ZBTB38: variants seen among roughly 807,000 people sequenced by gnomAD.
ZBTB38 encodes the protein zinc finger and BTB domain containing 38, also known as zinc finger and BTB domain-containing protein 38.
A neutral mutation model predicts 76.8 loss-of-function variants in ZBTB38; 20 were observed. That is an observed-to-expected ratio of 0.26 (90% CI 0.18 to 0.38). ZBTB38 has a LOEUF of 0.38. Ranked by LOEUF, ZBTB38 falls within the 10% of genes least tolerant of loss-of-function variation. The pLI is 1.00. For missense variants in ZBTB38, 1,082 were observed against 1,482.3 expected (o/e 0.73, Z 4.43); for synonymous variants, 504 against 544.2 (o/e 0.93, Z 1.03).
chr3:141,420,941 TA>T (rs570846117), intron 5 of ZBTB38, among the ~76,000 whole-genome samples: 13 of 139,752 alleles, frequency 9.3e-5, no homozygotes, highest in East Asian at 4.1e-4. Flanking sequence ...GAGTTTCAGT[TA>T]AAAAAAAAAT....
At chr3:141,341,019 AAGAT>A (rs1177557043) in intron 1 of ZBTB38, among the ~76,000 whole-genome samples, 5 of 151,994 alleles carry the variant, frequency 3.3e-5, no homozygotes, top group South Asian at 2.1e-4. Flanking sequence ...AAGAAAGAGA[AAGAT>A]AGACAAGTGG....
In ZBTB38 at chr3:141,444,060, C is replaced by T. The variant is rs762696836; in HGVS notation, c.1672C>T (p.Pro558Ser). ...AAAAACAGCAAATGGAGGCTTGAAGCCTAGTGTCTATCCGTATAAACTTTA... is the reference window on the plus strand; with the variant it reads ...AAAAACAGCAAATGGAGGCTTGAAGTCTAGTGTCTATCCGTATAAACTTTA... ...SKKTANGGLK[P>S]SVYPYKLYRL... is the part of the protein sequence containing the mutation. The change falls in exon 6 of 6, where the codon CCT (proline) becomes TCT (serine). Residue 558 changes from proline to serine, a missense_variant. Pro to Ser is a moderately conservative substitution (Grantham distance 74). Transcript: ENST00000321464. The surrounding 1 kb of genome is among the most constrained non-coding windows in gnomAD (Gnocchi z 5.1). 1.9e-6 allele frequency: 3 copies of T among 1,614,110 alleles called. No homozygotes were observed. Among genetic ancestry groups the T allele is most frequent in the Non-Finnish European group, 1.7e-6 (2 of 1,180,018 alleles).
chr3:141,440,582 A>C (rs2079900403), intron 5 of ZBTB38, among the ~76,000 whole-genome samples: 2 of 152,254 alleles, frequency 1.3e-5, no homozygotes, highest in Non-Finnish European at 2.9e-5. Context: ...CTCTTAATAC[A>C]GAATAGCACA....
At position 141,445,203 on chromosome 3, in the gene ZBTB38, T is replaced by G. The variant is rs764947045; in HGVS notation, c.2815T>G (p.Trp939Gly). 10 of 1,613,238 alleles carry G rather than the reference T, an allele frequency of 6.2e-6. No individual in the cohort carries two copies. In the South Asian group the frequency reaches 1.1e-4, roughly 18 times the overall value. Residue 939 changes from tryptophan to glycine, a missense_variant, in exon 6 of 6, where the codon TGG becomes GGG. By Grantham distance (184) the Trp-to-Gly change is radical. Transcript: ENST00000321464. The surrounding 1 kb of genome is among the most constrained non-coding windows in gnomAD (Gnocchi z 6.5). The part of the protein sequence containing the change: ...RQLKKMRKVN[W>G]RKEHGNRSPS... ...GTTGAAAAAAATGAGGAAAGTCAACTGGAGGAAGGAGCACGGAAACAGGAG... is the reference window on the plus strand; with the variant it reads ...GTTGAAAAAAATGAGGAAAGTCAACGGGAGGAAGGAGCACGGAAACAGGAG...
chr3:141,338,917 G>A (rs1272984732), intron 1 of ZBTB38, among the ~76,000 whole-genome samples: 2 of 151,892 alleles, frequency 1.3e-5, no homozygotes, highest in Non-Finnish European at 2.9e-5. Flanking sequence ...ATCTTTTAGG[G>A]AACATTAAGT....
intron 5 of ZBTB38, chr3:141,426,245 A>G (rs960764224): frequency 1.6e-5 from 20 of 1,236,656 alleles, no homozygotes; most frequent in Non-Finnish European, 2.0e-5. Context: ...TTTCAGCAGG[A>G]TGCAAAAGCA....
At position 141,446,211 on chromosome 3, in the gene ZBTB38, TC is replaced by T. The variant is rs1433568459; in HGVS notation, c.*236del. The T allele has an allele frequency of 3.0e-5, 10 of 337,860 alleles. No individual in the cohort carries two copies. The East Asian group carries it at 3.5e-4, about 12-fold the overall frequency. The allele number at this position is 337,860 out of a possible 1,614,324, so 20.9% of individuals were successfully genotyped here. A position where few individuals can be genotyped will look rare whatever the true frequency, so the allele number is the denominator to read the frequency against. On this transcript the variant is annotated 3_prime_UTR_variant, in exon 6 of 6. Coordinates refer to ENST00000321464, the MANE Select transcript of ZBTB38 (RefSeq NM_001376113.1). Reference sequence around the variant, plus strand: ...GCTGACTCCTCCAATATCCCAAGTTTCTTGTGAAAGTTAATAAAATTCTTAG... The same window carrying T: ...GCTGACTCCTCCAATATCCCAAGTTTTTGTGAAAGTTAATAAAATTCTTAG...
Position 141,444,517 on chromosome 3 carries a change from G to A in ZBTB38, c.2129G>A (p.Ser710Asn). 1.2e-6 allele frequency: 2 copies of A among 1,614,148 alleles called. No individual in the cohort carries two copies. The highest frequency in any genetic ancestry group is 2.2e-5 in the East Asian group (1 of 44,886). ...SENAASVISY[S>N]GSAPSVIVHS... ...AATGCCGCCTCTGTGATCAGCTACAGTGGCTCTGCACCCTCGGTCATTGTA... is the reference window on the plus strand; with the variant it reads ...AATGCCGCCTCTGTGATCAGCTACAATGGCTCTGCACCCTCGGTCATTGTA... Residue 710 changes from serine to asparagine, a missense_variant, in exon 6 of 6, where the codon AGT becomes AAT. Transcript: ENST00000321464. This position sits in a 1 kb window ranked among gnomAD's most constrained non-coding sequence, Gnocchi z 5.1.
intron 1 of ZBTB38, among the ~76,000 whole-genome samples, chr3:141,352,605 A>G (rs1943549698): frequency 6.6e-6 from 1 of 152,096 alleles, no homozygotes; most frequent in Admixed American, 6.6e-5. Flanking sequence ...ACATGGGTGA[A>G]GGGAACTGGG....
chr3:141,333,618 G>A (rs1268809585), intron 1 of ZBTB38, among the ~76,000 whole-genome samples: 1 of 152,096 alleles, frequency 6.6e-6, no homozygotes, highest in African/African-American at 2.4e-5. Context: ...GGCTGCAGAG[G>A]GTGGACAAGT....
At chr3:141,350,955 G>T (rs1419432078) in intron 1 of ZBTB38, among the ~76,000 whole-genome samples, 1 of 152,170 alleles carries the variant, frequency 6.6e-6, no homozygotes, top group South Asian at 2.1e-4. Flanking sequence ...GGTAAGAAAC[G>T]ATTGCCTTTG....
intron 5 of ZBTB38, among the ~76,000 whole-genome samples, chr3:141,420,618 T>TAAA (rs2075140969): frequency 6.6e-6 from 1 of 152,256 alleles, no homozygotes; most frequent in South Asian, 2.1e-4. Flanking sequence ...TCTCTTTTTT[T>TAAA]ATTCTAATAG....
intron 1 of ZBTB38, among the ~76,000 whole-genome samples, chr3:141,354,430 C>G (rs1943604657): frequency 6.6e-6 from 1 of 152,234 alleles, no homozygotes; most frequent in African/African-American, 2.4e-5. Flanking sequence ...TCATCTCTGT[C>G]CCTTTGTCCA....
chr3:141,362,146 G>A (rs1460610685), intron 1 of ZBTB38, among the ~76,000 whole-genome samples: 1 of 152,068 alleles, frequency 6.6e-6, no homozygotes, highest in Non-Finnish European at 1.5e-5. Context: ...AGGGGAAAGA[G>A]TTTAGGGTCC....
chr3:141,399,328 T>C (rs1281716112), intron 4 of ZBTB38, among the ~76,000 whole-genome samples: 1 of 152,166 alleles, frequency 6.6e-6, no homozygotes, highest in Non-Finnish European at 1.5e-5. Context: ...TTCATGCCAC[T>C]TCCCATAAGC....
intron 1 of ZBTB38, among the ~76,000 whole-genome samples, chr3:141,351,279 C>T (rs1943505857): frequency 6.6e-6 from 1 of 151,248 alleles, no homozygotes; most frequent in Admixed American, 6.6e-5. Flanking sequence ...TTTATGAATG[C>T]TCCTAATATA....
At chr3:141,436,417 A>G (rs2078796048) in intron 5 of ZBTB38, among the ~76,000 whole-genome samples, 1 of 152,218 alleles carries the variant, frequency 6.6e-6, no homozygotes, top group African/African-American at 2.4e-5. Context: ...TTGGGGACAC[A>G]GCCACTTGGC....
chr3:141,358,366 C>T lies in ZBTB38; in HGVS notation c.-738-10255C>T, dbSNP rs554196340. 4.6e-4 allele frequency among the ~76,000 whole-genome samples: 70 copies of T among 152,300 alleles called. No homozygotes were observed. The South Asian group carries it at 0.012, about 27-fold the overall frequency. ...AAGCAGTGAAGCACAGGTTGTGTGTCTGGAAGCCTTGCGATCTGTCCAATT... is the reference window on the plus strand; with the variant it reads ...AAGCAGTGAAGCACAGGTTGTGTGTTTGGAAGCCTTGCGATCTGTCCAATT... On this transcript the variant is annotated intron_variant, in intron 1 of 7. Coordinates refer to the ZBTB38 transcript ENST00000509842.
chr3:141,331,287 C>T (rs1189672706), intron 1 of ZBTB38, among the ~76,000 whole-genome samples: 2 of 152,210 alleles, frequency 1.3e-5, no homozygotes, highest in Non-Finnish European at 2.9e-5. Flanking sequence ...GGGCAAAGTC[C>T]TTGGTTATGT....
Sources: gnomAD v4.1 joint callset for allele counts (sites outside exome capture counted in the v4.1 genomes callset) on GRCh38, gnomAD v4.1.1 for gene constraint, Gnocchi (gnomAD v3.1) non-coding constraint, MANE v1.5 for transcripts, NCBI Gene and HGNC (gene_info 2026-07-23, HGNC 2026-07-21) for gene names.